The following RASA3 variants were observed in gnomAD, a reference collection of about 807,000 sequenced individuals.
The protein encoded by RASA3 is ras GTPase-activating protein 3.
A neutral mutation model predicts 110.0 loss-of-function variants in RASA3; 73 were observed. The ratio of observed to expected loss-of-function variants is 0.66; its 90% CI spans 0.55 to 0.81. The LOEUF (loss-of-function observed/expected upper bound fraction) is 0.81, where lower values mean the gene tolerates loss of function less well. Among genes scored for constraint, RASA3 ranks in the 30% least tolerant of loss-of-function variants. RASA3 has a pLI of 0.00. For missense variants in RASA3, 976 were observed against 1,113.2 expected (o/e 0.88, Z 1.75); for synonymous variants, 500 against 451.4 (o/e 1.11, Z -1.37).
intron 1 of RASA3, among the ~76,000 whole-genome samples, chr13:114,098,366 T>C (rs1320471): frequency 0.93 from 141,774 of 152,212 alleles, 66,487 homozygotes; most frequent in Non-Finnish European, 0.99. Context: ...TCCCAGGGTC[T>C]GCGTGCCCAG....
At chr13:114,123,769 G>A (rs568476229) in intron 1 of RASA3, among the ~76,000 whole-genome samples, 5 of 152,320 alleles carry the variant, frequency 3.3e-5, no homozygotes, top group African/African-American at 1.2e-4. Flanking sequence ...GGGAGCCACG[G>A]CCCCCATGCA....
At chr13:114,055,793 CAGAG>C (rs1382174054) in intron 2 of RASA3, among the ~76,000 whole-genome samples, 41 of 151,664 alleles carry the variant, frequency 2.7e-4, no homozygotes, top group Admixed American at 6.6e-4. Context: ...CTTCCTGCTC[CAGAG>C]TGGCAGGTGC....
intron 1 of RASA3, among the ~76,000 whole-genome samples, chr13:114,093,393 T>C (rs117567408): frequency 0.012 from 1,776 of 152,326 alleles, 31 homozygotes; most frequent in African/African-American, 0.038. Flanking sequence ...TCCCACTCCC[T>C]CCTGGCCTAT....
Position 114,000,928 on chromosome 13 carries a change from T to G in RASA3, c.1747A>C (p.Met583Leu). 3.1e-6 allele frequency: 5 copies of G among 1,609,258 alleles called. No homozygotes were observed. The highest frequency in any genetic ancestry group is 4.3e-6 in the Non-Finnish European group (5 of 1,175,758). ...EQPIVLKEGF[M>L]IKRAQGRKRF... Reference sequence around the variant, plus strand: ...TTCCGTCCTTGGGCCCTCTTGATCATGAACCTGTGTGAAGAGCACACAGGG... The same window carrying G: ...TTCCGTCCTTGGGCCCTCTTGATCAGGAACCTGTGTGAAGAGCACACAGGG... The change falls in exon 19 of 24, where the codon ATG becomes CTG. Residue 583 changes from methionine (M) to leucine (L), a missense_variant. Transcript: ENST00000334062.
rs1032870074 is a variant in RASA3, at chr13:114,048,053, C to T, written c.277+3999G>A. ...GGTCTCGGCCGGGCGCGGTGGCTCA[C>T]GCCTGTAATCCCAGCACTTTGGGAG... On this transcript the variant is annotated intron_variant, in intron 3 of 23. Transcript: ENST00000334062. This position sits in a 1 kb window ranked among gnomAD's most constrained non-coding sequence, Gnocchi z 4.3. 6.6e-6 allele frequency among the ~76,000 whole-genome samples: 1 copy of T among 152,306 alleles called. No individual in the cohort carries two copies. The highest frequency in any genetic ancestry group is 2.4e-5 in the African/African-American group (1 of 41,568).
intron 2 of RASA3, among the ~76,000 whole-genome samples, chr13:114,054,331 T>A (rs1039073690): frequency 1.3e-5 from 2 of 152,196 alleles, no homozygotes; most frequent in African/African-American, 2.4e-5. Context: ...CAACAATGTA[T>A]TAAAAATGCT....
chr13:113,981,703 T>C lies in RASA3; in HGVS notation c.2401A>G (p.Lys801Glu), dbSNP rs750929770. The C allele has an allele frequency of 1.2e-6, 2 of 1,613,888 alleles. No individual in the cohort carries two copies. Among genetic ancestry groups the C allele is most frequent in the Non-Finnish European group, 1.7e-6 (2 of 1,179,944 alleles). Reference protein sequence around the residue: ...EQEHAQYKRDKFKKTKYGSQE... With the variant: ...EQEHAQYKRDEFKKTKYGSQE... ...CTTCCATATTTCGTCTTCTTGAACT[T>C]GTCCCTCTTATACTGGGCGTGCTCC... Residue 801 changes from lysine (K) to glutamate (E), a missense_variant, in exon 23 of 24, where the codon AAG becomes GAG. Lys to Glu is a moderately conservative substitution (Grantham distance 56). Transcript: ENST00000334062.
At chr13:114,129,955 G>A (rs2080496015) in intron 1 of RASA3, among the ~76,000 whole-genome samples, 1 of 152,204 alleles carries the variant, frequency 6.6e-6, no homozygotes, top group African/African-American at 2.4e-5. Flanking sequence ...CTCAGGCAGG[G>A]CAAGTCAGAG....
chr13:114,015,331 T>C lies in RASA3; in HGVS notation c.1283A>G (p.Glu428Gly), dbSNP rs943363086. The change falls in exon 14 of 24, where the codon GAG (glutamate) becomes GGG (glycine). Residue 428 changes from glutamate (E) to glycine (G), a missense_variant and splice_region_variant. Physicochemically the swap from Glu to Gly is moderately conservative, Grantham distance 98. Transcript: ENST00000334062. ...GCGGTCCACATACTGCCGTAGGTTCTCCTGCAACGGGACACGGCACTGGGA... is the reference window on the plus strand; with the variant it reads ...GCGGTCCACATACTGCCGTAGGTTCCCCTGCAACGGGACACGGCACTGGGA... ...KDGENLENNM[E>G]NLRQYVDRVF... The C allele has an allele frequency of 8.1e-6, 13 of 1,612,716 alleles. No individual in the cohort carries two copies. Among genetic ancestry groups the C allele is most frequent in the Non-Finnish European group, 1.0e-5 (12 of 1,179,886 alleles).
At chr13:113,991,272 C>T (rs112067561) in intron 22 of RASA3, among the ~76,000 whole-genome samples, 1 of 149,574 alleles carries the variant, frequency 6.7e-6, no homozygotes, top group African/African-American at 2.5e-5. Flanking sequence ...GGCTGGAGAA[C>T]AGGCGTGGCC....
At chr13:114,066,135 G>A (rs7992924) in intron 2 of RASA3, among the ~76,000 whole-genome samples, 1 of 151,692 alleles carries the variant, frequency 6.6e-6, no homozygotes, top group Non-Finnish European at 1.5e-5. Flanking sequence ...CGCCTCTCCT[G>A]CACATGAGGC....
chr13:114,005,532 A>AG, intron 18 of RASA3, among the ~76,000 whole-genome samples: 1 of 152,212 alleles, frequency 6.6e-6, no homozygotes, highest in East Asian at 1.9e-4. Flanking sequence ...CCAGACCCCC[A>AG]GGGCTGTCCC....
intron 2 of RASA3, among the ~76,000 whole-genome samples, chr13:114,054,221 AATAT>A (rs1335394384): frequency 6.6e-6 from 1 of 152,242 alleles, no homozygotes; most frequent in African/African-American, 2.4e-5. Flanking sequence ...TTATATACAG[AATAT>A]ATAAAGAACT....
chr13:114,107,143 A>G (rs2080145119), intron 1 of RASA3, among the ~76,000 whole-genome samples: 1 of 99,406 alleles, frequency 1.0e-5, no homozygotes, highest in South Asian at 3.2e-4. Context: ...TTCAGGCTCC[A>G]GCCTTGACCC....
intron 1 of RASA3, among the ~76,000 whole-genome samples, chr13:114,091,977 T>C (rs2079894783): frequency 6.6e-6 from 1 of 152,146 alleles, no homozygotes; most frequent in Non-Finnish European, 1.5e-5. Flanking sequence ...CTGTTCATAA[T>C]AGTCTCTAGT....
At chr13:114,113,280 C>A (rs1316809669) in intron 1 of RASA3, among the ~76,000 whole-genome samples, 7 of 152,232 alleles carry the variant, frequency 4.6e-5, no homozygotes, top group Admixed American at 4.6e-4. Context: ...TCAGACGGCT[C>A]TTCCCGACAG....
intron 3 of RASA3, among the ~76,000 whole-genome samples, chr13:114,041,966 G>C (rs1219204866): frequency 6.6e-6 from 1 of 152,178 alleles, no homozygotes; most frequent in African/African-American, 2.4e-5. Flanking sequence ...CCAAAGTCTG[G>C]GAACGTCCAC....
At chr13:113,990,837 C>A (rs1443021646) in intron 22 of RASA3, among the ~76,000 whole-genome samples, 1 of 152,238 alleles carries the variant, frequency 6.6e-6, no homozygotes, top group Admixed American at 6.5e-5. Context: ...ATGTTCATTT[C>A]ACACATGTAT....
At chr13:114,111,914 A>G (rs1341032625) in intron 1 of RASA3, among the ~76,000 whole-genome samples, 1 of 152,218 alleles carries the variant, frequency 6.6e-6, no homozygotes, top group Non-Finnish European at 1.5e-5. Flanking sequence ...GGGGCCCATC[A>G]ACTTAAAATA....
Sources: allele counts gnomAD v4.1 joint callset (sites outside exome capture counted in the v4.1 genomes callset), GRCh38; gene constraint gnomAD v4.1.1; non-coding constraint Gnocchi (gnomAD v3.1); transcripts MANE v1.5; gene names NCBI Gene and HGNC (gene_info 2026-07-23, HGNC 2026-07-21).